GRIN2A: variants seen among roughly 807,000 people sequenced by gnomAD.
The protein encoded by GRIN2A is glutamate receptor ionotropic, NMDA 2A.
A neutral mutation model predicts 113.4 loss-of-function variants in GRIN2A; 22 were observed. The observed-to-expected ratio is 0.19, with a 90% CI of 0.14 to 0.28. The LOEUF (loss-of-function observed/expected upper bound fraction) is 0.28, where lower values mean the gene tolerates loss of function less well. GRIN2A is among the 10% of genes least tolerant of loss of function. GRIN2A has a pLI of 1.00. For synonymous variants in GRIN2A, 827 were observed against 738.4 expected (o/e 1.12, Z -1.94); for missense variants, 1,502 against 1,887.0 (o/e 0.80, Z 3.78).
chr16:9,900,054 G>A (rs371896317), intron 3 of GRIN2A, among the ~76,000 whole-genome samples: 15 of 152,184 alleles, frequency 9.9e-5, no homozygotes, highest in Admixed American at 2.6e-4. Context: ...GATACACAAC[G>A]TGATAAAGGC....
intron 4 of GRIN2A, among the ~76,000 whole-genome samples, chr16:9,862,659 G>C (rs2043091146): frequency 6.6e-6 from 1 of 152,206 alleles, no homozygotes; most frequent in African/African-American, 2.4e-5. Flanking sequence ...TATTTCTTTG[G>C]ATTACTTTTA....
rs1011805089 is a variant in GRIN2A, at chr16:9,767,898, T to C, written c.2595+953A>G. 2.0e-5 allele frequency among the ~76,000 whole-genome samples: 3 copies of C among 152,310 alleles called. No individual in the cohort carries two copies. In the South Asian group the frequency reaches 6.2e-4, roughly 32 times the overall value. ...CATATTCCATAGCATTGCAAGTAGA[T>C]TTTGTTTTGTTGGGCATGTTCTGTT... On this transcript the variant is annotated intron_variant, in intron 12 of 12. Coordinates refer to ENST00000330684, the MANE Select transcript of GRIN2A (RefSeq NM_001134407.3).
chr16:9,910,959 AAAC>A (rs1483447270), intron 3 of GRIN2A, among the ~76,000 whole-genome samples: 1 of 152,106 alleles, frequency 6.6e-6, no homozygotes, highest in African/African-American at 2.4e-5. Context: ...TACCTCTCCA[AAAC>A]AACCAGTATC....
intron 2 of GRIN2A, among the ~76,000 whole-genome samples, chr16:10,098,624 G>T (rs72774191): frequency 0.086 from 13,032 of 152,178 alleles, 715 homozygotes; most frequent in Non-Finnish European, 0.13. Context: ...ATAAAACTCA[G>T]CCTTAAAAAG....
chr16:9,903,367 C>A (rs2043971137), intron 3 of GRIN2A, among the ~76,000 whole-genome samples: 1 of 152,170 alleles, frequency 6.6e-6, no homozygotes. Flanking sequence ...TTTGGTCCCA[C>A]CAGGAGCAAA....
In GRIN2A at chr16:10,138,157, T is replaced by C. The variant is rs541212155; in HGVS notation, c.414+41841A>G. 9.8e-5 allele frequency among the ~76,000 whole-genome samples: 15 copies of C among 152,356 alleles called. No homozygotes were observed. The South Asian group carries it at 2.7e-3, about 27-fold the overall frequency. The stretch of plus-strand genomic sequence containing the variant: ...TCTGTAGATAATGCTTCATGAAAAG[T>C]GGGCTGTTTCCATCAAGCCTAAATC... On this transcript the variant is annotated intron_variant, in intron 2 of 12. Coordinates refer to ENST00000330684, the MANE Select transcript of GRIN2A (RefSeq NM_001134407.3).
At chr16:10,096,753 T>C (rs1280180511) in intron 2 of GRIN2A, among the ~76,000 whole-genome samples, 3 of 152,088 alleles carry the variant, frequency 2.0e-5, no homozygotes, top group Non-Finnish European at 4.4e-5. Context: ...CTGTGCCACA[T>C]ACCCCATTCT....
chr16:10,026,143 C>T (rs2046816026), intron 2 of GRIN2A, among the ~76,000 whole-genome samples: 1 of 152,120 alleles, frequency 6.6e-6, no homozygotes. Flanking sequence ...CTTCCAGAAT[C>T]CCCCACCCAG....
intron 2 of GRIN2A, among the ~76,000 whole-genome samples, chr16:10,012,538 G>A (rs1213621979): frequency 6.6e-6 from 1 of 152,146 alleles, no homozygotes; most frequent in Admixed American, 6.5e-5. Flanking sequence ...TGGCCATGTG[G>A]GACAGGCAGA....
chr16:10,116,951 T>A (rs778454958), intron 2 of GRIN2A, among the ~76,000 whole-genome samples: 1 of 152,012 alleles, frequency 6.6e-6, no homozygotes, highest in Non-Finnish European at 1.5e-5. Context: ...AAGCCATCAC[T>A]GTGTTGGGAA....
At chr16:10,020,174 G>GAGGC (rs1445107825) in intron 2 of GRIN2A, among the ~76,000 whole-genome samples, 2 of 152,206 alleles carry the variant, frequency 1.3e-5, no homozygotes, top group African/African-American at 4.8e-5. Context: ...AGCACTTTGG[G>GAGGC]AGGCTGAGAT....
At chr16:9,873,349 A>C (rs1230671575) in intron 4 of GRIN2A, among the ~76,000 whole-genome samples, 1 of 152,208 alleles carries the variant, frequency 6.6e-6, no homozygotes, top group Non-Finnish European at 1.5e-5. Context: ...CATTTAAACA[A>C]ACAAAAAAAG....
chr16:9,905,421 T>C (rs2044007223), intron 3 of GRIN2A, among the ~76,000 whole-genome samples: 1 of 152,152 alleles, frequency 6.6e-6, no homozygotes, highest in African/African-American at 2.4e-5. Flanking sequence ...GCAGATAATA[T>C]CAATGAGTAA....
intron 2 of GRIN2A, among the ~76,000 whole-genome samples, chr16:10,095,086 TTCTCTCTC>T (rs147451089): frequency 6.7e-6 from 1 of 149,940 alleles, no homozygotes; most frequent in South Asian, 2.1e-4. Flanking sequence ...GAAGAGAGAT[TTCTCTCTC>T]TCTCTCTCTC....
At chr16:9,965,237 T>G (rs1350919203) in intron 2 of GRIN2A, among the ~76,000 whole-genome samples, 1 of 152,204 alleles carries the variant, frequency 6.6e-6, no homozygotes, top group Non-Finnish European at 1.5e-5. Context: ...TACCAACAGC[T>G]AGAACAGATT....
intron 4 of GRIN2A, among the ~76,000 whole-genome samples, chr16:9,877,250 G>A (rs1211343667): frequency 6.6e-6 from 1 of 152,138 alleles, no homozygotes; most frequent in East Asian, 1.9e-4. Context: ...CATACTGTAA[G>A]GTTTGGTATA....
intron 2 of GRIN2A, among the ~76,000 whole-genome samples, chr16:10,025,899 G>C (rs956713670): frequency 1.3e-5 from 2 of 152,180 alleles, no homozygotes; most frequent in Non-Finnish European, 2.9e-5. Context: ...CGAGGCAGTG[G>C]AAGTTTCCTC....
intron 4 of GRIN2A, among the ~76,000 whole-genome samples, chr16:9,882,153 A>G (rs761126106): frequency 3.2e-4 from 49 of 152,310 alleles, no homozygotes; most frequent in Non-Finnish European, 6.5e-4. Context: ...GCTAGGCTAA[A>G]TGTGGTAGTA....
At chr16:9,910,247 G>T (rs1218173420) in intron 3 of GRIN2A, among the ~76,000 whole-genome samples, 2 of 152,078 alleles carry the variant, frequency 1.3e-5, no homozygotes, top group African/African-American at 2.4e-5. Flanking sequence ...TCTTTTAGGG[G>T]TAGGGTAATG....
Sources: gnomAD v4.1 joint callset for allele counts (sites outside exome capture counted in the v4.1 genomes callset) on GRCh38, gnomAD v4.1.1 for gene constraint, MANE v1.5 for transcripts, NCBI Gene and HGNC (gene_info 2026-07-23, HGNC 2026-07-21) for gene names.